Variants in PTPN4 observed in about 807,000 individuals in gnomAD.
PTPN4 encodes the protein protein tyrosine phosphatase non-receptor type 4.
A neutral mutation model predicts 135.5 loss-of-function variants in PTPN4; 49 were observed. That is an observed-to-expected ratio of 0.36 (90% CI 0.29 to 0.46). The LOEUF (loss-of-function observed/expected upper bound fraction) is 0.46, where lower values mean the gene tolerates loss of function less well. Ranked by LOEUF, PTPN4 falls within the 20% of genes least tolerant of loss-of-function variation. The pLI is 1.00. For synonymous variants in PTPN4, 333 were observed against 369.9 expected (o/e 0.90, Z 1.14); for missense variants, 860 against 1,101.0 (o/e 0.78, Z 3.10).
At position 119,962,982 on chromosome 2, in the gene PTPN4, G is replaced by A. The variant is rs568553429; in HGVS notation, c.2409+238G>A. Among the ~76,000 whole-genome samples, 35 of 152,148 alleles carry A rather than the reference G, an allele frequency of 2.3e-4. 3 individuals are homozygous for A. Among genetic ancestry groups the A allele is most frequent in the Admixed American group, 2.1e-3 (32 of 15,286 alleles). On this transcript the variant is annotated intron_variant, in intron 24 of 26. Transcript: ENST00000263708. ...AATATGAATGGTCAGTGAAAAAGTA[G>A]TCTGGTAAATAATACTACTGTTACT...
intron 5 of PTPN4, among the ~76,000 whole-genome samples, chr2:119,880,320 A>G (rs1014963134): frequency 6.6e-5 from 10 of 152,208 alleles, no homozygotes; most frequent in African/African-American, 2.4e-4. Context: ...AAATTTGGCA[A>G]GTATAGGCAT....
chr2:119,761,929 AT>A (rs1690514106), intron 1 of PTPN4, among the ~76,000 whole-genome samples: 1 of 152,096 alleles, frequency 6.6e-6, no homozygotes, highest in Admixed American at 6.5e-5. Context: ...CTTACTGCCC[AT>A]TTTCTAACAT....
In PTPN4 at chr2:119,846,867, C is replaced by G. The variant is rs554537713; in HGVS notation, c.139-15669C>G. 4.3e-4 allele frequency among the ~76,000 whole-genome samples: 65 copies of G among 151,068 alleles called. No homozygotes were observed. In the South Asian group the frequency reaches 7.3e-3, roughly 17 times the overall value. On this transcript the variant is annotated intron_variant, in intron 2 of 26. Coordinates refer to ENST00000263708, the MANE Select transcript of PTPN4 (RefSeq NM_002830.4). ...ATTACAGTGAGATATAGAAATGTTA[C>G]TTTATATAGCTCAGTTTCCTCTTTC...
chr2:119,967,969 A>G lies in PTPN4; in HGVS notation c.2691A>G (p.Thr897=). ...ATCAGCGAGCCATGATGATCCAAAC[A>G]CCTGTGAGTACTGTACTTTATATAC... ...MRDQRAMMIQ[T]PSQYRFVCEA... The change falls in exon 26 of 27, where the codon ACA becomes ACG. Residue 897 remains threonine (T), a synonymous_variant. Coordinates refer to ENST00000263708, the MANE Select transcript of PTPN4 (RefSeq NM_002830.4). The G allele has an allele frequency of 6.3e-7, 1 of 1,593,390 alleles. No individual in the cohort carries two copies. Among genetic ancestry groups the G allele is most frequent in the Non-Finnish European group, 8.6e-7 (1 of 1,166,682 alleles).
intron 8 of PTPN4, among the ~76,000 whole-genome samples, chr2:119,884,374 A>G (rs1678124363): frequency 6.6e-6 from 1 of 152,234 alleles, no homozygotes; most frequent in Admixed American, 6.5e-5. Context: ...TATGTTGTCT[A>G]TGGCTGTTTT....
chr2:119,874,443 G>T (rs1428531529), intron 3 of PTPN4, among the ~76,000 whole-genome samples: 1 of 152,094 alleles, frequency 6.6e-6, no homozygotes, highest in Non-Finnish European at 1.5e-5. Flanking sequence ...GCCATAAAAA[G>T]GAATGAGTTA....
chr2:119,882,238 A>G, intron 7 of PTPN4, 89 bp downstream of exon 7: 1 of 1,297,208 alleles, frequency 7.7e-7, no homozygotes, highest in Non-Finnish European at 1.1e-6. Context: ...GTTCTTTAGA[A>G]ATGTTGCTAT....
chr2:119,824,591 C>A (rs1000405590), intron 2 of PTPN4, among the ~76,000 whole-genome samples: 1 of 152,116 alleles, frequency 6.6e-6, no homozygotes, highest in African/African-American at 2.4e-5. Flanking sequence ...TAATTTTTAT[C>A]TTTTGTATTT....
intron 1 of PTPN4, among the ~76,000 whole-genome samples, chr2:119,765,239 T>C (rs1690591379): frequency 6.6e-6 from 1 of 152,246 alleles, no homozygotes; most frequent in Non-Finnish European, 1.5e-5. Context: ...TCATGAATAT[T>C]ATTTATTTAT....
At chr2:119,773,814 A>G (rs909918589) in intron 1 of PTPN4, among the ~76,000 whole-genome samples, 6 of 152,104 alleles carry the variant, frequency 3.9e-5, no homozygotes, top group African/African-American at 7.2e-5. Flanking sequence ...AGTCTACTTT[A>G]TCATTTACTA....
At position 119,761,742 on chromosome 2, in the gene PTPN4, A is replaced by G. The variant is rs1368193476; in HGVS notation, c.-18+1358A>G. 5.9e-5 allele frequency among the ~76,000 whole-genome samples: 9 copies of G among 152,330 alleles called. No individual in the cohort carries two copies. In the East Asian group the frequency reaches 1.7e-3, roughly 29 times the overall value. Reference sequence around the variant, plus strand: ...ATAAGAGAAACAGTCTATTTTGTACATGGGAATGTTTGTCATGTTGCCAGT... The same window carrying G: ...ATAAGAGAAACAGTCTATTTTGTACGTGGGAATGTTTGTCATGTTGCCAGT... On this transcript the variant is annotated intron_variant, in intron 1 of 26. Coordinates refer to ENST00000263708, the MANE Select transcript of PTPN4 (RefSeq NM_002830.4).
chr2:119,939,727 A>G (rs1039990281), intron 15 of PTPN4, among the ~76,000 whole-genome samples: 12 of 152,170 alleles, frequency 7.9e-5, no homozygotes, highest in African/African-American at 2.9e-4. Flanking sequence ...TTGGTCTTCA[A>G]AGCTTTGCCT....
chr2:119,938,124 A>ATTT (rs370292419), intron 15 of PTPN4, among the ~76,000 whole-genome samples: 76 of 117,744 alleles, frequency 6.5e-4, no homozygotes, highest in Non-Finnish European at 7.5e-4. Flanking sequence ...ATGTGGGATA[A>ATTT]TTTTTTTTTT....
intron 1 of PTPN4, among the ~76,000 whole-genome samples, chr2:119,791,487 A>G (rs1691147526): frequency 6.6e-6 from 1 of 152,110 alleles, no homozygotes; most frequent in South Asian, 2.1e-4. Context: ...CTAGTGACAA[A>G]TTCTTTTAGG....
intron 8 of PTPN4, among the ~76,000 whole-genome samples, chr2:119,884,489 T>C (rs1678126327): frequency 6.6e-6 from 1 of 152,234 alleles, no homozygotes; most frequent in Non-Finnish European, 1.5e-5. Context: ...TGATTCCTGA[T>C]CTAAAATAGA....
chr2:119,977,832 A>C lies in PTPN4; in HGVS notation c.*762A>C, dbSNP rs1162306749. On this transcript the variant is annotated 3_prime_UTR_variant, in exon 27 of 27. Transcript: ENST00000263708. ...GTGTCTTAACCCCTTAAGTGCCTTG[A>C]GACGTCCTTGTATGTCTAACGAAAA... 2 of 152,202 alleles carry C rather than the reference A, an allele frequency of 1.3e-5. No homozygotes were observed. Among genetic ancestry groups the C allele is most frequent in the East Asian group, 3.8e-4 (2 of 5,198 alleles). The allele number at this position is 152,202 out of a possible 1,614,324, so 9.4% of individuals were successfully genotyped here. A position where few individuals can be genotyped will look rare whatever the true frequency, so the allele number is the denominator to read the frequency against.
chr2:119,815,574 C>A (rs1676972367), intron 2 of PTPN4, among the ~76,000 whole-genome samples: 1 of 152,066 alleles, frequency 6.6e-6, no homozygotes, highest in Non-Finnish European at 1.5e-5. Context: ...TATATATACA[C>A]AGAAATTTTA....
intron 1 of PTPN4, among the ~76,000 whole-genome samples, chr2:119,780,390 T>C (rs948505720): frequency 6.6e-6 from 1 of 152,194 alleles, no homozygotes; most frequent in African/African-American, 2.4e-5. Context: ...TCCAGATTTC[T>C]CCAATTGTTC....
At chr2:119,814,839 T>A (rs924672900) in intron 2 of PTPN4, among the ~76,000 whole-genome samples, 4 of 152,188 alleles carry the variant, frequency 2.6e-5, no homozygotes, top group Non-Finnish European at 5.9e-5. Context: ...AATTTATCTT[T>A]AGTACAAAAA....
Sources: gnomAD v4.1 joint callset for allele counts (sites outside exome capture counted in the v4.1 genomes callset) on GRCh38, gnomAD v4.1.1 for gene constraint, MANE v1.5 for transcripts, NCBI Gene and HGNC (gene_info 2026-07-23, HGNC 2026-07-21) for gene names.